Variants in PRAC2 observed in about 807,000 individuals in gnomAD.
The protein encoded by PRAC2 is protein PRAC2.
For missense variants in PRAC2, 92 were observed against 114.5 expected, an observed-to-expected ratio of 0.80 and a Z score of 0.90; for synonymous variants, 43 against 49.5, an observed-to-expected ratio of 0.87 and a Z score of 0.55.
upstream of PRAC2, among the ~76,000 whole-genome samples, chr17:48,719,212 A>AACACACACACACACACAC (rs3060082): frequency 3.5e-4 from 49 of 141,140 alleles, no homozygotes; most frequent in African/African-American, 1.2e-3. Context: ...CTCGCACACA[A>AACACACACACACACACAC]ACACACACAC....
At chr17:48,720,491 C>G (rs1286747394), upstream of PRAC2, among the ~76,000 whole-genome samples, 3 of 152,192 alleles carry the variant, frequency 2.0e-5, no homozygotes, top group African/African-American at 7.2e-5. Flanking sequence ...TTTCCCTGTT[C>G]CCCGTCCTGT....
At chr17:48,722,764 T>C (rs2038159397), upstream of PRAC2, among the ~76,000 whole-genome samples, 1 of 151,976 alleles carries the variant, frequency 6.6e-6, no homozygotes, top group African/African-American at 2.4e-5. Context: ...AGTCCTCTCT[T>C]CCCCTCACCT....
intron 1 of PRAC2, chr17:48,723,594 A>T: frequency 7.0e-6 from 5 of 715,420 alleles, no homozygotes; most frequent in Non-Finnish European, 7.7e-6. Flanking sequence ...CGGCCCGGGA[A>T]CTACTATTTG....
upstream of PRAC2, chr17:48,722,465 G>T (rs1472253584): frequency 6.5e-5 from 87 of 1,347,186 alleles, no homozygotes; most frequent in East Asian, 2.0e-3. Context: ...CGGCCTAAAG[G>T]TTTCAGCCTC....
In PRAC2 at chr17:48,724,694, G is replaced by A; in HGVS notation, c.*11G>A. ...CTCCTGGAGTGGTGAGCCTCTGTCG[G>A]AAGGGGGCGCCCACGTCTTTTTAAT... On this transcript the variant is annotated 3_prime_UTR_variant, in exon 2 of 2. Transcript: ENST00000422730. 8.2e-7 allele frequency: 1 copy of A among 1,225,952 alleles called. No homozygotes were observed. The highest frequency in any genetic ancestry group is 1.0e-6 in the Non-Finnish European group (1 of 982,408). 75.9% of individuals were successfully genotyped at this position (1,225,952 alleles called of 1,614,324 possible).
upstream of PRAC2, among the ~76,000 whole-genome samples, chr17:48,720,308 C>T (rs1439374168): frequency 6.6e-6 from 1 of 152,254 alleles, no homozygotes; most frequent in African/African-American, 2.4e-5. Context: ...CTGGCCAGCT[C>T]TAGCTCACCC....
At chr17:48,722,947 C>A (rs117165478), upstream of PRAC2, among the ~76,000 whole-genome samples, 1,941 of 152,268 alleles carry the variant, frequency 0.013, 24 homozygotes, top group Middle Eastern at 0.027. Context: ...CCTCCCAGTT[C>A]GGGGGCAGTT....
At chr17:48,721,403 G>A (rs930563781), upstream of PRAC2, among the ~76,000 whole-genome samples, 6 of 152,182 alleles carry the variant, frequency 3.9e-5, no homozygotes, top group Non-Finnish European at 7.3e-5. Flanking sequence ...TCAGCTCACT[G>A]CAACCTCCAC....
At chr17:48,719,883 C>A (rs1196940278), upstream of PRAC2, among the ~76,000 whole-genome samples, 1 of 152,162 alleles carries the variant, frequency 6.6e-6, no homozygotes, top group Admixed American at 6.5e-5. Context: ...CGCTCCACAG[C>A]CCCCTCCGCC....
intron 1 of PRAC2, among the ~76,000 whole-genome samples, chr17:48,723,935 G>C (rs2038174533): frequency 6.6e-6 from 1 of 152,264 alleles, no homozygotes; most frequent in Non-Finnish European, 1.5e-5. Context: ...CGGGAGTTTG[G>C]CTCTGAGGGA....
At chr17:48,721,801 T>C (rs2143040759), upstream of PRAC2, 1 of 1,539,668 alleles carries the variant, frequency 6.5e-7, no homozygotes, top group South Asian at 1.2e-5. Flanking sequence ...ACTCCTGTGC[T>C]CAAGGAATCT....
At chr17:48,722,192 T>TA (rs1319203173), upstream of PRAC2, 27 of 815,080 alleles carry the variant, frequency 3.3e-5, no homozygotes, top group Non-Finnish European at 5.4e-5. Flanking sequence ...CTGCTCACCC[T>TA]TCCCTTGTTT....
In PRAC2 at chr17:48,723,979, T is replaced by C. The variant is rs118191540; in HGVS notation, c.-83-349T>C. On this transcript the variant is annotated intron_variant, in intron 1 of 1. Transcript: ENST00000422730. Reference sequence around the variant, plus strand: ...GTCTGGAGGGCAGCTCAGGGTACAATTGCGCCTTGTTAGTGAAAAGGCGCC... The same window carrying C: ...GTCTGGAGGGCAGCTCAGGGTACAACTGCGCCTTGTTAGTGAAAAGGCGCC... Among the ~76,000 whole-genome samples the C allele has an allele frequency of 3.4e-3, 513 of 152,350 alleles. 1 individual carries two copies. The highest frequency in any genetic ancestry group is 4.4e-3 in the Non-Finnish European group (298 of 68,038).
upstream of PRAC2, among the ~76,000 whole-genome samples, chr17:48,719,212 A>AACACACAC (rs3060082): frequency 0.065 from 9,142 of 141,062 alleles, 353 homozygotes; most frequent in Middle Eastern, 0.16. Context: ...CTCGCACACA[A>AACACACAC]ACACACACAC....
At chr17:48,721,650 G>A, upstream of PRAC2, 1 of 733,238 alleles carries the variant, frequency 1.4e-6, no homozygotes, top group Non-Finnish European at 2.0e-6. Context: ...AAGGCCCAGA[G>A]CTTTTGCCTT....
chr17:48,722,624 C>T (rs936234229), upstream of PRAC2: 11 of 533,262 alleles, frequency 2.1e-5, no homozygotes, highest in East Asian at 3.2e-4. Flanking sequence ...CAAGTAGGGG[C>T]GAAAGCTGGA....
rs2038181267 is a variant in PRAC2 at position 48,724,407 on chromosome 17, A to C, written c.-4A>C. 2.2e-5 allele frequency: 27 copies of C among 1,234,252 alleles called. No homozygotes were observed. The South Asian group carries it at 9.8e-4, about 45-fold the overall frequency. The allele number at this position is 1,234,252 out of a possible 1,614,324, so 76.5% of individuals were successfully genotyped here. ...ATTATTATGGCGAGGAAGATAAAGAAGACATGGACAGAAGGCGGATGGCTC... is the reference window on the plus strand; with the variant it reads ...ATTATTATGGCGAGGAAGATAAAGACGACATGGACAGAAGGCGGATGGCTC... On this transcript the variant is annotated 5_prime_UTR_variant, in exon 2 of 2. Coordinates refer to ENST00000422730, the MANE Select transcript of PRAC2 (RefSeq NM_001282275.2).
chr17:48,721,244 C>T (rs936550753), upstream of PRAC2, among the ~76,000 whole-genome samples: 2 of 152,158 alleles, frequency 1.3e-5, no homozygotes, highest in Non-Finnish European at 2.9e-5. Flanking sequence ...GCATTGATCC[C>T]ACACTTGGCA....
At chr17:48,721,413 C>T (rs1309953076), upstream of PRAC2, among the ~76,000 whole-genome samples, 1 of 152,198 alleles carries the variant, frequency 6.6e-6, no homozygotes, top group Non-Finnish European at 1.5e-5. Context: ...GCAACCTCCA[C>T]CTCCCAGGTT....
Sources: gnomAD v4.1 joint callset for allele counts (sites outside exome capture counted in the v4.1 genomes callset) on GRCh38, gnomAD v4.1.1 for gene constraint, MANE v1.5 for transcripts, NCBI Gene and HGNC (gene_info 2026-07-23, HGNC 2026-07-21) for gene names.